GRIK4: variants seen among roughly 807,000 people sequenced by gnomAD.
The protein encoded by GRIK4 is glutamate ionotropic receptor kainate type subunit 4.
A neutral mutation model predicts 104.9 loss-of-function variants in GRIK4; 40 were observed. That is an observed-to-expected ratio of 0.38 (90% confidence interval 0.30 to 0.50). The LOEUF is 0.50. Ranked by LOEUF, GRIK4 falls within the 20% of genes least tolerant of loss-of-function variation. The pLI is 0.93. For synonymous variants in GRIK4, 485 were observed against 524.9 expected (o/e 0.92, Z 1.04); for missense variants, 1,047 against 1,308.1 (o/e 0.80, Z 3.08).
intron 1 of GRIK4, among the ~76,000 whole-genome samples, chr11:120,545,265 G>A (rs942233186): frequency 1.3e-5 from 2 of 152,164 alleles, no homozygotes; most frequent in African/African-American, 2.4e-5. Context: ...ATCTCTAGTC[G>A]TTAAGGGTGT....
At chr11:120,618,238 C>T (rs1949140321) in intron 1 of GRIK4, among the ~76,000 whole-genome samples, 1 of 152,114 alleles carries the variant, frequency 6.6e-6, no homozygotes, top group Non-Finnish European at 1.5e-5. Flanking sequence ...GAACTTTGAT[C>T]TTGAGAGTGA....
chr11:120,806,701 A>G (rs1426620733), intron 4 of GRIK4, among the ~76,000 whole-genome samples: 1 of 152,208 alleles, frequency 6.6e-6, no homozygotes, highest in Non-Finnish European at 1.5e-5. Context: ...TCCACATCAC[A>G]CTTAATGAAT....
chr11:120,577,991 C>T (rs1242524952), intron 1 of GRIK4, among the ~76,000 whole-genome samples: 1 of 152,204 alleles, frequency 6.6e-6, no homozygotes, highest in Non-Finnish European at 1.5e-5. Flanking sequence ...GGGTCCTTTC[C>T]TTTCAGCAGA....
intron 1 of GRIK4, chr11:120,514,843 A>T: frequency 2.5e-6 from 1 of 397,058 alleles, no homozygotes; most frequent in South Asian, 1.9e-5. Context: ...TCGAGTGTCC[A>T]CTCCGACCTT....
chr11:120,620,155 G>A, intron 1 of GRIK4: 1 of 840,600 alleles, frequency 1.2e-6, no homozygotes, highest in Non-Finnish European at 2.1e-6. Context: ...CATGCCTGAT[G>A]TTAATGCATG....
intron 3 of GRIK4, among the ~76,000 whole-genome samples, chr11:120,742,528 T>TTTA (rs1951354126): frequency 6.7e-6 from 1 of 150,124 alleles, no homozygotes; most frequent in Non-Finnish European, 1.5e-5. Flanking sequence ...TTATTATTAT[T>TTTA]TTTTTTTGAG....
chr11:120,739,057 T>C (rs1048945678), intron 3 of GRIK4, among the ~76,000 whole-genome samples: 1 of 152,134 alleles, frequency 6.6e-6, no homozygotes, highest in Non-Finnish European at 1.5e-5. Flanking sequence ...CCTGGCAATA[T>C]AAAAAGAGCA....
chr11:120,954,150 G>A (rs1243867917), intron 15 of GRIK4, among the ~76,000 whole-genome samples: 1 of 151,962 alleles, frequency 6.6e-6, no homozygotes, highest in Non-Finnish European at 1.5e-5. Flanking sequence ...AACCCCTGAG[G>A]GCACTTCCCA....
At chr11:120,690,101 G>A (rs184743764) in intron 3 of GRIK4, among the ~76,000 whole-genome samples, 4 of 152,278 alleles carry the variant, frequency 2.6e-5, no homozygotes, top group Admixed American at 6.5e-5. Flanking sequence ...TGGTTGGGTA[G>A]GAGATCTGTG....
chr11:120,538,832 G>A (rs777758206), intron 1 of GRIK4, among the ~76,000 whole-genome samples: 2 of 152,234 alleles, frequency 1.3e-5, no homozygotes, highest in Non-Finnish European at 2.9e-5. Flanking sequence ...CAGGCTGGGG[G>A]CTCAGGGCTC....
At chr11:120,960,143 A>G (rs748892070) in intron 16 of GRIK4, among the ~76,000 whole-genome samples, 2 of 152,258 alleles carry the variant, frequency 1.3e-5, no homozygotes, top group Non-Finnish European at 2.9e-5. Flanking sequence ...ATCCTGGCCA[A>G]CACAGTGAAA....
At chr11:120,975,856 G>A (rs1380365140) in intron 19 of GRIK4, among the ~76,000 whole-genome samples, 2 of 152,146 alleles carry the variant, frequency 1.3e-5, no homozygotes, top group African/African-American at 2.4e-5. Context: ...CTTGTCAGCC[G>A]TGGAACCTTG....
intron 20 of GRIK4, among the ~76,000 whole-genome samples, chr11:120,985,263 G>A (rs572812909): frequency 2.0e-5 from 3 of 152,310 alleles, no homozygotes; most frequent in East Asian, 1.9e-4. Flanking sequence ...CTCACACGGT[G>A]TGAGATGTTG....
chr11:120,568,866 AAAG>A (rs1439789364), intron 1 of GRIK4, among the ~76,000 whole-genome samples: 4 of 152,246 alleles, frequency 2.6e-5, no homozygotes, highest in Non-Finnish European at 4.4e-5. Context: ...TCTGTTAAAA[AAAG>A]AAGACAAAAA....
chr11:120,545,013 A>G (rs1297929685), intron 1 of GRIK4, among the ~76,000 whole-genome samples: 1 of 151,988 alleles, frequency 6.6e-6, no homozygotes, highest in Non-Finnish European at 1.5e-5. Context: ...TAATTTGTGA[A>G]TGGGGAAACT....
chr11:120,714,448 G>A (rs1029024591), intron 3 of GRIK4, among the ~76,000 whole-genome samples: 7 of 152,208 alleles, frequency 4.6e-5, no homozygotes, highest in Non-Finnish European at 8.8e-5. Flanking sequence ...GCCAGGCACT[G>A]AGCCATGTGC....
At chr11:120,615,881 A>G (rs1029086244) in intron 1 of GRIK4, among the ~76,000 whole-genome samples, 6 of 151,642 alleles carry the variant, frequency 4.0e-5, no homozygotes, top group African/African-American at 1.5e-4. Context: ...CTCTGGGCCT[A>G]GCGTCCTCAT....
chr11:120,878,789 G>T (rs535789984), intron 11 of GRIK4, among the ~76,000 whole-genome samples: 1 of 152,252 alleles, frequency 6.6e-6, no homozygotes, highest in East Asian at 1.9e-4. Context: ...CCTCTTGACA[G>T]GTGTCCTTCC....
chr11:120,644,288 T>C lies in GRIK4; in HGVS notation c.-158-9397T>C, dbSNP rs11217934. 1.6e-3 allele frequency among the ~76,000 whole-genome samples: 241 copies of C among 152,328 alleles called. 4 individuals are homozygous for C. The East Asian group carries it at 0.033, about 21-fold the overall frequency. On this transcript the variant is annotated intron_variant, in intron 1 of 20. Transcript: ENST00000527524. ...CTCTTTGCTAGATTAAATGTGTGGA[T>C]CAGAAGCAGCAGAGCTGTTTGCTTC...
Sources: gnomAD v4.1 joint callset for allele counts (sites outside exome capture counted in the v4.1 genomes callset) on GRCh38, gnomAD v4.1.1 for gene constraint, MANE v1.5 for transcripts, NCBI Gene and HGNC (gene_info 2026-07-23, HGNC 2026-07-21) for gene names.